The following RAD51B variants were observed in gnomAD, a reference collection of about 807,000 sequenced individuals.
RAD51B encodes the protein DNA repair protein RAD51 homolog 2.
A neutral mutation model predicts 42.2 loss-of-function variants in RAD51B; 38 were observed. That is an observed-to-expected ratio of 0.90 (90% confidence interval 0.70 to 1.18). RAD51B has a LOEUF of 1.18. Among genes scored for constraint, RAD51B ranks in the 50% most tolerant of loss-of-function variants. The pLI is 0.00. For synonymous variants in RAD51B, 154 were observed against 145.2 expected (o/e 1.06, Z -0.43); for missense variants, 373 against 400.7 (o/e 0.93, Z 0.59).
chr14:68,241,624 A>C (rs970590635), intron 7 of RAD51B, among the ~76,000 whole-genome samples: 1 of 152,220 alleles, frequency 6.6e-6, no homozygotes, highest in Non-Finnish European at 1.5e-5. Flanking sequence ...AAGTCTAATT[A>C]ACATAGGTTC....
chr14:68,638,477 A>C (rs1892385750), intron 10 of RAD51B, among the ~76,000 whole-genome samples: 1 of 152,188 alleles, frequency 6.6e-6, no homozygotes, highest in South Asian at 2.1e-4. Context: ...AAGGTCACAC[A>C]GTTAGCCCTC....
At chr14:68,194,839 T>A (rs187255989) in intron 7 of RAD51B, among the ~76,000 whole-genome samples, 10 of 152,360 alleles carry the variant, frequency 6.6e-5, no homozygotes, top group Non-Finnish European at 2.9e-5. Context: ...CCTTTAGTTT[T>A]ATAAAATGTG....
chr14:68,468,809 C>T lies in RAD51B; in HGVS notation c.1036+559C>T, dbSNP rs541742629. Reference sequence around the variant, plus strand: ...GGACCTGCACCTTGTGACGTGAGCCCAGGACTTAGAAGGAGCTGAGTTCTT... The same window carrying T: ...GGACCTGCACCTTGTGACGTGAGCCTAGGACTTAGAAGGAGCTGAGTTCTT... On this transcript the variant is annotated intron_variant, in intron 10 of 10. Coordinates refer to ENST00000471583, the MANE Select transcript of RAD51B (RefSeq NM_133510.4). Among the ~76,000 whole-genome samples, 6 of 152,286 alleles carry T rather than the reference C, an allele frequency of 3.9e-5. No homozygotes were observed. In the South Asian group the frequency reaches 1.0e-3, roughly 26 times the overall value.
At chr14:68,579,050 G>A (rs1213834865) in intron 10 of RAD51B, among the ~76,000 whole-genome samples, 1 of 152,156 alleles carries the variant, frequency 6.6e-6, no homozygotes, top group Non-Finnish European at 1.5e-5. Context: ...GGGCCCAGAA[G>A]GGTCTCCTGG....
rs991912658 is a variant in RAD51B at position 68,213,032 on chromosome 14, G to T, written c.757-78852G>T. 2.0e-5 allele frequency among the ~76,000 whole-genome samples: 3 copies of T among 152,164 alleles called. No individual in the cohort carries two copies. The East Asian group carries it at 5.8e-4, about 29-fold the overall frequency. ...TGGACTAATGTCCATCTGGAGAGGGGTCCTCAGGGTAAGCCTCAGGAACCT... is the reference window on the plus strand; with the variant it reads ...TGGACTAATGTCCATCTGGAGAGGGTTCCTCAGGGTAAGCCTCAGGAACCT... On this transcript the variant is annotated intron_variant, in intron 7 of 10. Coordinates refer to ENST00000471583, the MANE Select transcript of RAD51B (RefSeq NM_133510.4).
chr14:68,668,741 C>T (rs1292321069), intron 11 of RAD51B, among the ~76,000 whole-genome samples: 3 of 152,220 alleles, frequency 2.0e-5, no homozygotes, highest in East Asian at 1.9e-4. Flanking sequence ...CCCCCAGGCA[C>T]GCTGATCCGT....
intron 8 of RAD51B, among the ~76,000 whole-genome samples, chr14:68,353,773 G>A (rs1367092330): frequency 2.6e-5 from 4 of 152,180 alleles, no homozygotes; most frequent in African/African-American, 4.8e-5. Flanking sequence ...TCAATGTTTC[G>A]TTTAGAATTT....
At chr14:68,005,303 C>T (rs551340265) in intron 7 of RAD51B, among the ~76,000 whole-genome samples, 61 of 152,140 alleles carry the variant, frequency 4.0e-4, no homozygotes, top group Admixed American at 1.4e-3. Flanking sequence ...CTGCCTGCCT[C>T]GACCTCCCAA....
At chr14:68,611,347 C>G in exon 11 of RAD51B, 2 of 662,982 alleles carry the variant, frequency 3.0e-6, no homozygotes, top group South Asian at 3.3e-5. Flanking sequence ...GCTTCCTTGT[C>G]CCTTTCAGCA....
At chr14:68,530,237 A>C (rs1189260427) in intron 10 of RAD51B, among the ~76,000 whole-genome samples, 1 of 152,012 alleles carries the variant, frequency 6.6e-6, no homozygotes, top group Non-Finnish European at 1.5e-5. Flanking sequence ...TGAGCCCAGG[A>C]GTTCAAGACT....
chr14:67,982,123 C>A (rs939554152), intron 7 of RAD51B, among the ~76,000 whole-genome samples: 1 of 151,962 alleles, frequency 6.6e-6, no homozygotes, highest in Admixed American at 6.6e-5. Context: ...TTAGTAGAGA[C>A]GGGGTTTCAC....
At chr14:68,562,100 GT>G (rs1889182883) in intron 10 of RAD51B, 2 of 985,220 alleles carry the variant, frequency 2.0e-6, no homozygotes, top group African/African-American at 3.5e-5. Flanking sequence ...AAAGCTTTTG[GT>G]TTGTCCTTTT....
intron 4 of RAD51B, among the ~76,000 whole-genome samples, chr14:67,860,726 A>G (rs979670697): frequency 6.6e-6 from 1 of 152,208 alleles, no homozygotes. Flanking sequence ...TAACAAATAC[A>G]GTAAAAATTT....
chr14:68,253,585 G>A (rs1275768030), intron 7 of RAD51B, among the ~76,000 whole-genome samples: 1 of 152,114 alleles, frequency 6.6e-6, no homozygotes, highest in Non-Finnish European at 1.5e-5. Context: ...AAATATGTCA[G>A]CATTTTTCTT....
intron 8 of RAD51B, chr14:68,339,287 G>C: frequency 1.1e-6 from 1 of 910,062 alleles, no homozygotes; most frequent in South Asian, 1.4e-5. Flanking sequence ...GGGTGAACTG[G>C]TTAATGGCAG....
chr14:68,516,795 A>T (rs990254854), intron 10 of RAD51B, among the ~76,000 whole-genome samples: 1 of 152,218 alleles, frequency 6.6e-6, no homozygotes, highest in African/African-American at 2.4e-5. Flanking sequence ...CAGATTTTTC[A>T]AATTTGATAT....
chr14:67,951,915 C>A (rs530686161), intron 7 of RAD51B, among the ~76,000 whole-genome samples: 1 of 151,898 alleles, frequency 6.6e-6, no homozygotes, highest in Non-Finnish European at 1.5e-5. Flanking sequence ...TGTTATTTTG[C>A]GTAAATAACC....
At chr14:68,427,465 T>C (rs2084880833) in intron 9 of RAD51B, among the ~76,000 whole-genome samples, 1 of 152,196 alleles carries the variant, frequency 6.6e-6, no homozygotes, top group African/African-American at 2.4e-5. Flanking sequence ...AAGGTGGAAA[T>C]GGAGTAAAAG....
intron 5 of RAD51B, among the ~76,000 whole-genome samples, chr14:67,884,898 G>A (rs900597984): frequency 6.6e-6 from 1 of 152,030 alleles, no homozygotes; most frequent in Non-Finnish European, 1.5e-5. Flanking sequence ...CAAATGTAAG[G>A]ACTTGTTTTG....
Sources: allele counts gnomAD v4.1 joint callset (sites outside exome capture counted in the v4.1 genomes callset), GRCh38; gene constraint gnomAD v4.1.1; transcripts MANE v1.5; gene names NCBI Gene and HGNC (gene_info 2026-07-23, HGNC 2026-07-21).